The following CBLC variants were observed in gnomAD, a reference collection of about 807,000 sequenced individuals.
The protein encoded by CBLC is E3 ubiquitin-protein ligase CBL-C.
In CBLC, 46 loss-of-function variants were observed where a neutral mutation model predicts 58.6. That is an observed-to-expected ratio of 0.79 (90% confidence interval 0.62 to 1.00). The LOEUF (loss-of-function observed/expected upper bound fraction) is 1.00, where lower values mean the gene tolerates loss of function less well. Ranked by LOEUF, CBLC falls within the 50% of genes least tolerant of loss-of-function variation. The pLI is 0.00. For synonymous variants in CBLC, 271 were observed against 264.2 expected, an observed-to-expected ratio of 1.03 and a Z score of -0.25; for missense variants, 655 against 625.8, an observed-to-expected ratio of 1.05 and a Z score of -0.50.
chr19:44,792,459 T>C lies in CBLC; in HGVS notation c.1082T>C (p.Val361Ala). 6.2e-7 allele frequency: 1 copy of C among 1,613,064 alleles called. No homozygotes were observed. Among genetic ancestry groups the C allele is most frequent in the Non-Finnish European group, 8.5e-7 (1 of 1,179,716 alleles). ...CKICAESNKDVKIEPCGHLLC... is the reference protein window; with the variant it reads ...CKICAESNKDAKIEPCGHLLC... ...ATCTGTGCTGAGAGCAACAAGGATG[T>C]GAAGATTGAGCCGTGCGGGCACCTG... Residue 361 changes from valine (V) to alanine (A), a missense_variant, in exon 7 of 11, where the codon GTG (valine) becomes GCG (alanine). By Grantham distance (64) the Val-to-Ala change is moderately conservative. This residue lies in a region of CBLC where 371 missense variants were observed against 370.8 expected (regional missense o/e 1.00). Transcript: ENST00000647358.
chr19:44,786,313 C>G lies in CBLC; in HGVS notation c.917+1912C>G, dbSNP rs550168101. Reference sequence around the variant, plus strand: ...CGTTTAAAGACACTTTATTCAAGGCCGGGCGCAGTGGCTCACACCTGTAAT... The same window carrying G: ...CGTTTAAAGACACTTTATTCAAGGCGGGGCGCAGTGGCTCACACCTGTAAT... On this transcript the variant is annotated intron_variant, in intron 5 of 10. Coordinates refer to ENST00000647358, the MANE Select transcript of CBLC (RefSeq NM_012116.4). 2.4e-3 allele frequency among the ~76,000 whole-genome samples: 364 copies of G among 151,732 alleles called. 1 individual carries two copies. The highest frequency in any genetic ancestry group is 8.5e-3 in the African/African-American group (351 of 41,378).
intron 5 of CBLC, among the ~76,000 whole-genome samples, chr19:44,786,044 C>T (rs1432432245): frequency 1.3e-5 from 2 of 152,006 alleles, no homozygotes; most frequent in Non-Finnish European, 2.9e-5. Flanking sequence ...AAGCAATCTG[C>T]CCGCCTCACC....
At chr19:44,796,314 AGAG>A (rs1177959270) in intron 9 of CBLC, among the ~76,000 whole-genome samples, 1 of 152,214 alleles carries the variant, frequency 6.6e-6, no homozygotes, top group African/African-American at 2.4e-5. Flanking sequence ...ACAGCCTGAA[AGAG>A]GAGAAGTCAG....
intron 3 of CBLC, among the ~76,000 whole-genome samples, chr19:44,781,676 T>G (rs1599858690): frequency 1.1e-5 from 1 of 89,056 alleles, no homozygotes. Context: ...GAGGAAGGCC[T>G]GGGGCCTGGA....
Position 44,792,409 on chromosome 19 carries a change from G to A in CBLC, c.1032G>A (p.Met344Ile). Residue 344 changes from methionine to isoleucine, a missense_variant, in exon 7 of 11, where the codon ATG (methionine) becomes ATA (isoleucine). By Grantham distance (10) the Met-to-Ile change is conservative. Around this residue, in one of 3 missense-constraint regions of CBLC, gnomAD observed 371 missense variants for 370.8 expected, o/e 1.00. Coordinates refer to ENST00000647358, the MANE Select transcript of CBLC (RefSeq NM_012116.4). ...SEEQLQLYWA[M>I]DSTFELCKIC... ...AGCAGCTGCAGCTCTACTGGGCCATGGACTCCACATTTGAGCTCTGCAAGA... is the reference window on the plus strand; with the variant it reads ...AGCAGCTGCAGCTCTACTGGGCCATAGACTCCACATTTGAGCTCTGCAAGA... The A allele has an allele frequency of 6.2e-7, 1 of 1,613,662 alleles. No individual in the cohort carries two copies. Among genetic ancestry groups the A allele is most frequent in the Non-Finnish European group, 8.5e-7 (1 of 1,179,932 alleles).
chr19:44,784,496 G>A (rs772496771), intron 5 of CBLC, 95 bp downstream of exon 5: 1 of 1,273,602 alleles, frequency 7.9e-7, no homozygotes. Flanking sequence ...ACGTTTGAGG[G>A]TGCAACCATT....
At chr19:44,790,527 T>C (rs1968019596) in intron 6 of CBLC, among the ~76,000 whole-genome samples, 1 of 152,088 alleles carries the variant, frequency 6.6e-6, no homozygotes, top group Non-Finnish European at 1.5e-5. Context: ...CCTCGACCTC[T>C]GGGCTCAAGC....
At chr19:44,779,671 C>T (rs1346339457) in intron 1 of CBLC, among the ~76,000 whole-genome samples, 1 of 151,950 alleles carries the variant, frequency 6.6e-6, no homozygotes, top group South Asian at 2.1e-4. Context: ...CCCACCTCAG[C>T]CTCCCATGTA....
rs576132173 is a variant in CBLC, at chr19:44,790,145, C to T, written c.1005+54C>T. The T allele has an allele frequency of 1.1e-4, 147 of 1,397,648 alleles. No homozygotes were observed. In the South Asian group the frequency reaches 1.6e-3, roughly 15 times the overall value. The allele number at this position is 1,397,648 out of a possible 1,614,324, so 86.6% of individuals were successfully genotyped here. ...CAGTTCCCTGACCCTGCCACCCCCA[C>T]GTTGCCTTGGCTCAGAGGCCTGGGG... On this transcript the variant is annotated intron_variant, in intron 6 of 10. Transcript: ENST00000647358.
At chr19:44,781,130 G>C in intron 2 of CBLC, 77 bp from the exon 3 acceptor site, 2 of 1,574,774 alleles carry the variant, frequency 1.3e-6, no homozygotes, top group Non-Finnish European at 1.7e-6. Flanking sequence ...GCCCACAGCT[G>C]CTTCTTTCCT....
Position 44,780,984 on chromosome 19 carries a change from T to C in CBLC, c.433T>C (p.Cys145Arg). 6.2e-7 allele frequency: 1 copy of C among 1,613,592 alleles called. No individual in the cohort carries two copies. Residue 145 changes from cysteine to arginine, a missense_variant, in exon 2 of 11, where the codon TGT becomes CGT. This residue lies in a region of CBLC where 280 missense variants were observed against 237.2 expected (regional missense o/e 1.18). Coordinates refer to ENST00000647358, the MANE Select transcript of CBLC (RefSeq NM_012116.4). ...CGCACTCTTCCCCGGGGGAAAGTAC[T>C]GTGGACACATGTACCAGCTCACCAA... The part of the protein sequence containing the change: ...LHALFPGGKY[C>R]GHMYQLTKAP...
chr19:44,783,215 A>AC (rs2122416198), intron 4 of CBLC, among the ~76,000 whole-genome samples: 1 of 152,000 alleles, frequency 6.6e-6, no homozygotes, highest in African/African-American at 2.4e-5. Context: ...TACTAAAAAT[A>AC]CAAAAATTAG....
chr19:44,798,512 G>C (rs28528835), intron 9 of CBLC, among the ~76,000 whole-genome samples: 4 of 152,020 alleles, frequency 2.6e-5, no homozygotes, highest in Non-Finnish European at 4.4e-5. Context: ...TCAGGAGTTC[G>C]AGACCAGCCC....
At position 44,793,650 on chromosome 19, in the gene CBLC, C is replaced by T. The variant is rs770365728; in HGVS notation, c.1284+30C>T. The T allele has an allele frequency of 3.3e-5, 52 of 1,569,774 alleles. 1 individual carries two copies. The Middle Eastern group carries it at 5.1e-4, about 15-fold the overall frequency. ...GCAGGGCCAGCCGGGAGCTGGAATC[C>T]AAATTCCTGAGGCCTGAGTGGGGAG... On this transcript the variant is annotated intron_variant, in intron 8 of 10. Coordinates refer to ENST00000647358, the MANE Select transcript of CBLC (RefSeq NM_012116.4).
chr19:44,797,465 G>A (rs894808618), intron 9 of CBLC, among the ~76,000 whole-genome samples: 10 of 151,958 alleles, frequency 6.6e-5, no homozygotes, highest in African/African-American at 2.2e-4. Flanking sequence ...TGGCCAGGCT[G>A]GTCTTGAACT....
intron 5 of CBLC, among the ~76,000 whole-genome samples, chr19:44,786,225 G>A (rs548292401): frequency 1.3e-5 from 2 of 151,714 alleles, no homozygotes; most frequent in Non-Finnish European, 1.5e-5. Context: ...ACGCCACCAC[G>A]CCCGGCTGGG....
chr19:44,783,273 G>A (rs539918317), intron 4 of CBLC, among the ~76,000 whole-genome samples: 5 of 152,226 alleles, frequency 3.3e-5, no homozygotes, highest in South Asian at 2.1e-4. Flanking sequence ...TTGGGAGGCC[G>A]AGGTGGGTGG....
intron 4 of CBLC, 133 bp downstream of exon 4, chr19:44,782,624 A>G: frequency 1.5e-6 from 1 of 683,906 alleles, no homozygotes. Context: ...AGAGTTGATA[A>G]CTCAGAGGCA....
intron 10 of CBLC, 38 bp from the exon 11 acceptor site, chr19:44,800,512 AG>A (rs1430483964): frequency 9.3e-7 from 1 of 1,077,082 alleles, no homozygotes; most frequent in Non-Finnish European, 1.4e-6. Context: ...CTCCACCTGG[AG>A]GTGACCTCAT....
Sources: gnomAD v4.1 joint callset for allele counts (sites outside exome capture counted in the v4.1 genomes callset) on GRCh38, gnomAD v4.1.1 for gene constraint, gnomAD v4.1.1 regional missense constraint, MANE v1.5 for transcripts, NCBI Gene and HGNC (gene_info 2026-07-23, HGNC 2026-07-21) for gene names.